The following PPP3CA variants were observed in gnomAD, a reference collection of about 807,000 sequenced individuals.
PPP3CA encodes the protein CAM-PRP catalytic subunit.
Under a neutral mutation model 66.5 loss-of-function variants are expected in PPP3CA, and 14 were observed. That is an observed-to-expected ratio of 0.21 (90% CI 0.14 to 0.33). PPP3CA has a LOEUF of 0.33. PPP3CA is among the 10% of genes least tolerant of loss of function. The pLI, the probability that PPP3CA is intolerant of heterozygous loss-of-function variation, is 1.00. For missense variants in PPP3CA, 317 were observed against 639.5 expected (o/e 0.50, Z 5.44); for synonymous variants, 232 against 226.2 (o/e 1.03, Z -0.23).
intron 1 of PPP3CA, among the ~76,000 whole-genome samples, chr4:101,280,756 G>A (rs1727653769): frequency 6.7e-6 from 1 of 150,200 alleles, no homozygotes; most frequent in Non-Finnish European, 1.5e-5. Flanking sequence ...GGAGGCAGAG[G>A]CTGCAGTGAG....
At chr4:101,042,511 A>G (rs1364242940) in intron 10 of PPP3CA, among the ~76,000 whole-genome samples, 1 of 152,214 alleles carries the variant, frequency 6.6e-6, no homozygotes, top group Non-Finnish European at 1.5e-5. Flanking sequence ...TGTGGGAGAC[A>G]GCTGTTCTCA....
At chr4:101,079,406 T>A (rs1200140084) in intron 8 of PPP3CA, among the ~76,000 whole-genome samples, 16 of 147,800 alleles carry the variant, frequency 1.1e-4, no homozygotes, top group Non-Finnish European at 1.5e-5. Flanking sequence ...TGAGATGGAG[T>A]CTCGCTCTGT....
chr4:101,120,315 A>G (rs1211083584), intron 2 of PPP3CA, among the ~76,000 whole-genome samples: 2 of 152,114 alleles, frequency 1.3e-5, no homozygotes, highest in Non-Finnish European at 2.9e-5. Flanking sequence ...TACTGGGATA[A>G]TAACAAAAAT....
At chr4:101,205,555 T>C (rs1016172195) in intron 1 of PPP3CA, among the ~76,000 whole-genome samples, 43 of 144,674 alleles carry the variant, frequency 3.0e-4, no homozygotes, top group African/African-American at 1.2e-3. Flanking sequence ...AATCCTAAAC[T>C]GGTAAGTTGA....
chr4:101,322,884 C>CATAAAA (rs563041144), intron 1 of PPP3CA, among the ~76,000 whole-genome samples: 312 of 152,156 alleles, frequency 2.1e-3, no homozygotes, highest in Non-Finnish European at 3.7e-3. Context: ...TTTGAAGAGA[C>CATAAAA]ATAAAAATAG....
chr4:101,306,629 A>G (rs1322016393), intron 1 of PPP3CA, among the ~76,000 whole-genome samples: 2 of 152,164 alleles, frequency 1.3e-5, no homozygotes, highest in Admixed American at 1.3e-4. Context: ...TCGTATTCTG[A>G]CTTGGGGGAA....
intron 1 of PPP3CA, chr4:101,330,256 G>T (rs775233609): frequency 1.7e-4 from 73 of 425,188 alleles, no homozygotes; most frequent in South Asian, 1.2e-3. Context: ...AATTAAAAGT[G>T]AATCCTGAAG....
rs981575515 is a variant in PPP3CA, at chr4:101,294,722, G to C, written c.58+52017C>G. Among the ~76,000 whole-genome samples the C allele has an allele frequency of 2.0e-5, 3 of 151,918 alleles. No individual in the cohort carries two copies. The South Asian group carries it at 6.2e-4, about 32-fold the overall frequency. Reference sequence around the variant, plus strand: ...TTTGGGCTTGATAATTCTGTGTTGTGGGGGGAGTTCTATGCATTGTAGGAT... The same window carrying C: ...TTTGGGCTTGATAATTCTGTGTTGTCGGGGGAGTTCTATGCATTGTAGGAT... On this transcript the variant is annotated intron_variant, in intron 1 of 13. Transcript: ENST00000394854.
chr4:101,086,903 T>A (rs764492056), intron 6 of PPP3CA, among the ~76,000 whole-genome samples: 31 of 152,216 alleles, frequency 2.0e-4, no homozygotes, highest in Non-Finnish European at 3.4e-4. Flanking sequence ...GTAGCTTCAA[T>A]AGGGGCAGTC....
At chr4:101,323,151 A>G (rs559978735) in intron 1 of PPP3CA, among the ~76,000 whole-genome samples, 1 of 152,280 alleles carries the variant, frequency 6.6e-6, no homozygotes, top group African/African-American at 2.4e-5. Context: ...TGACAGTTCT[A>G]GTATTCCTAT....
chr4:101,182,811 G>C (rs1724284221), intron 2 of PPP3CA, among the ~76,000 whole-genome samples: 1 of 152,056 alleles, frequency 6.6e-6, no homozygotes, highest in Non-Finnish European at 1.5e-5. Context: ...TTCTCATGCT[G>C]GTCTCATGAT....
intron 2 of PPP3CA, among the ~76,000 whole-genome samples, chr4:101,142,527 T>C (rs1483643219): frequency 6.6e-6 from 1 of 152,136 alleles, no homozygotes; most frequent in Non-Finnish European, 1.5e-5. Context: ...GCACCCTACA[T>C]GCATAACCTC....
At chr4:101,315,444 T>C (rs556288325) in intron 1 of PPP3CA, among the ~76,000 whole-genome samples, 2 of 152,250 alleles carry the variant, frequency 1.3e-5, no homozygotes, top group East Asian at 3.9e-4. Flanking sequence ...TCAGTAAAAT[T>C]CAAAGTCAGA....
At chr4:101,190,376 T>C (rs28624713) in intron 2 of PPP3CA, among the ~76,000 whole-genome samples, 4,758 of 152,204 alleles carry the variant, frequency 0.031, 259 homozygotes, top group African/African-American at 0.11. Flanking sequence ...AAAGTACCAA[T>C]TCATGAGAAC....
chr4:101,084,733 AAAACAGTCTCTGTT>A (rs2110241941), intron 6 of PPP3CA, among the ~76,000 whole-genome samples: 1 of 152,312 alleles, frequency 6.6e-6, no homozygotes, highest in African/African-American at 2.4e-5. Context: ...TCTGAAACTG[AAAACAGTCTCTGTT>A]CATGTGCCCA....
At chr4:101,266,548 AAAC>A (rs1727176478) in intron 1 of PPP3CA, among the ~76,000 whole-genome samples, 1 of 152,198 alleles carries the variant, frequency 6.6e-6, no homozygotes, top group African/African-American at 2.4e-5. Context: ...TGTCCATTAA[AAAC>A]AAAATTAAAA....
chr4:101,135,013 G>C (rs1248449652), intron 2 of PPP3CA, among the ~76,000 whole-genome samples: 1 of 152,042 alleles, frequency 6.6e-6, no homozygotes, highest in African/African-American at 2.4e-5. Context: ...AGTGGGAACT[G>C]AACAATGAGA....
intron 1 of PPP3CA, among the ~76,000 whole-genome samples, chr4:101,261,610 T>C (rs1331372827): frequency 2.6e-5 from 4 of 152,124 alleles, no homozygotes; most frequent in Non-Finnish European, 5.9e-5. Context: ...CCTTTATAAG[T>C]GACTAATGTA....
intron 1 of PPP3CA, among the ~76,000 whole-genome samples, chr4:101,256,036 G>A (rs139023266): frequency 7.6e-4 from 116 of 151,984 alleles, no homozygotes; most frequent in African/African-American, 2.7e-3. Context: ...TGGATTACCA[G>A]TATCCCTAAC....
Sources: gnomAD v4.1 joint callset for allele counts (sites outside exome capture counted in the v4.1 genomes callset) on GRCh38, gnomAD v4.1.1 for gene constraint, MANE v1.5 for transcripts, NCBI Gene and HGNC (gene_info 2026-07-23, HGNC 2026-07-21) for gene names.